RASSF8: variants seen among roughly 807,000 people sequenced by gnomAD.
The protein encoded by RASSF8 is ras association domain-containing protein 8.
RASSF8 carries 22 observed loss-of-function variants against 48.5 expected under a neutral mutation model. The observed-to-expected ratio is 0.45, with a 90% CI of 0.32 to 0.65. The LOEUF is 0.65. Ranked by LOEUF, RASSF8 falls within the 30% of genes least tolerant of loss-of-function variation. The pLI, the probability that RASSF8 is intolerant of heterozygous loss-of-function variation, is 0.03. For missense variants in RASSF8, 418 were observed against 489.2 expected (o/e 0.85, Z 1.37); for synonymous variants, 127 against 171.5 (o/e 0.74, Z 2.03).
intron 2 of RASSF8, among the ~76,000 whole-genome samples, chr12:26,008,977 A>G (rs1159998930): frequency 6.6e-6 from 1 of 151,918 alleles, no homozygotes; most frequent in Non-Finnish European, 1.5e-5. Context: ...CTGAATTACA[A>G]CCCAGATCTT....
chr12:26,056,896 C>T (rs963687277), intron 3 of RASSF8, among the ~76,000 whole-genome samples: 1 of 151,856 alleles, frequency 6.6e-6, no homozygotes, highest in African/African-American at 2.4e-5. Context: ...CTATTAAGAG[C>T]TTCACTTAAT....
intron 1 of RASSF8, among the ~76,000 whole-genome samples, chr12:25,981,541 A>C (rs913746301): frequency 6.6e-6 from 1 of 152,190 alleles, no homozygotes; most frequent in Non-Finnish European, 1.5e-5. Flanking sequence ...TCTGCCATAC[A>C]GGGTTATTCT....
At position 26,064,764 on chromosome 12, in the gene RASSF8, G is replaced by A. The variant is rs974545337; in HGVS notation, c.370G>A (p.Glu124Lys). Residue 124 changes from glutamate to lysine, a missense_variant, in exon 4 of 6, where the codon GAA (glutamate) becomes AAA (lysine). Glu to Lys is a moderately conservative substitution (Grantham distance 56). Coordinates refer to ENST00000689635, the MANE Select transcript of RASSF8 (RefSeq NM_001394098.1). ...GATTGACAAATCAATCAAAAGGAGG[G>A]AACCGAAAAGGAAATCACTGACATT... is the stretch of plus-strand genomic sequence containing the variant. ...PQIDKSIKRR[E>K]PKRKSLTFTG... 1.2e-6 allele frequency: 2 copies of A among 1,614,014 alleles called. No individual in the cohort carries two copies. The highest frequency in any genetic ancestry group is 1.7e-6 in the Non-Finnish European group (2 of 1,180,044).
intron 2 of RASSF8, among the ~76,000 whole-genome samples, chr12:26,013,107 A>C (rs1245163630): frequency 6.6e-6 from 1 of 152,202 alleles, no homozygotes; most frequent in African/African-American, 2.4e-5. Flanking sequence ...TCATGTAATC[A>C]GCAGCATGTT....
At chr12:26,019,022 T>G (rs1942721439) in intron 2 of RASSF8, among the ~76,000 whole-genome samples, 1 of 152,084 alleles carries the variant, frequency 6.6e-6, no homozygotes, top group Non-Finnish European at 1.5e-5. Context: ...AAACAGACAT[T>G]TAGAGGAGGT....
chr12:25,974,169 T>C (rs923759221), intron 1 of RASSF8, among the ~76,000 whole-genome samples: 2 of 152,002 alleles, frequency 1.3e-5, no homozygotes, highest in African/African-American at 4.8e-5. Context: ...GAGTGTAATT[T>C]TTTTCCCCTA....
At chr12:25,994,386 A>C (rs771357083) in intron 1 of RASSF8, among the ~76,000 whole-genome samples, 1 of 152,174 alleles carries the variant, frequency 6.6e-6, no homozygotes, top group Non-Finnish European at 1.5e-5. Flanking sequence ...TGTGGCAGAC[A>C]TATGAATTGC....
downstream of RASSF8, among the ~76,000 whole-genome samples, chr12:26,076,457 A>G (rs1944073950): frequency 6.6e-6 from 1 of 151,718 alleles, no homozygotes. Context: ...GATGTTCCCC[A>G]CCCTGTGTCC....
intron 2 of RASSF8, among the ~76,000 whole-genome samples, chr12:26,007,207 C>T (rs1942412604): frequency 6.6e-6 from 1 of 152,102 alleles, no homozygotes. Context: ...GAAGAATCCG[C>T]CCCCATGACC....
At chr12:26,010,218 C>T (rs1407771023) in intron 2 of RASSF8, among the ~76,000 whole-genome samples, 1 of 152,122 alleles carries the variant, frequency 6.6e-6, no homozygotes, top group East Asian at 1.9e-4. Context: ...CAGGCACCAG[C>T]AAAGGGTTTG....
At chr12:25,984,123 A>G (rs1006963851) in intron 1 of RASSF8, among the ~76,000 whole-genome samples, 1 of 151,396 alleles carries the variant, frequency 6.6e-6, no homozygotes, top group African/African-American at 2.4e-5. Context: ...GTGCAGTCGC[A>G]TGATTATAGC....
At position 26,070,739 on chromosome 12, in the gene RASSF8, G is replaced by T. The variant is rs562801127; in HGVS notation, c.*1921G>T. On this transcript the variant is annotated 3_prime_UTR_variant, in exon 6 of 6. Coordinates refer to ENST00000689635, the MANE Select transcript of RASSF8 (RefSeq NM_001394098.1). Reference sequence around the variant, plus strand: ...TTTTGTTGTTGTTCAGAGAAATCAAGATCTTATTCACAAAGAAAAACATTT... The same window carrying T: ...TTTTGTTGTTGTTCAGAGAAATCAATATCTTATTCACAAAGAAAAACATTT... The T allele has an allele frequency of 2.7e-5, 23 of 850,628 alleles. No individual in the cohort carries two copies. In the Admixed American group the frequency reaches 7.0e-4, roughly 26 times the overall value. The allele number at this position is 850,628 out of a possible 1,614,324, so 52.7% of individuals were successfully genotyped here. A position where few individuals can be genotyped will look rare whatever the true frequency, so the allele number is the denominator to read the frequency against.
chr12:25,989,877 G>A (rs1016919481), intron 1 of RASSF8, among the ~76,000 whole-genome samples: 1 of 152,126 alleles, frequency 6.6e-6, no homozygotes, highest in African/African-American at 2.4e-5. Flanking sequence ...TGGGAGTCTG[G>A]CAGAAGTTTT....
At chr12:26,035,684 A>G (rs569296468) in intron 2 of RASSF8, among the ~76,000 whole-genome samples, 1 of 144,410 alleles carries the variant, frequency 6.9e-6, no homozygotes, top group East Asian at 2.0e-4. Context: ...CTTACAATAA[A>G]CACTTGTTTT....
At chr12:26,077,200 A>G (rs1944080492), downstream of RASSF8, among the ~76,000 whole-genome samples, 1 of 152,206 alleles carries the variant, frequency 6.6e-6, no homozygotes, top group African/African-American at 2.4e-5. Context: ...ATTTTCTCCC[A>G]TTCTGAAGGT....
In RASSF8 at chr12:26,069,650, A is replaced by T; in HGVS notation, c.*832A>T. ...GTTTCTGCCCTGTCTTATCATTTAC[A>T]CTCATGGATCTTCAGAATTAATCTA... On this transcript the variant is annotated 3_prime_UTR_variant, in exon 6 of 6. Coordinates refer to ENST00000689635, the MANE Select transcript of RASSF8 (RefSeq NM_001394098.1). 1.0e-6 allele frequency: 1 copy of T among 985,406 alleles called. No individual in the cohort carries two copies. The highest frequency in any genetic ancestry group is 1.2e-6 in the Non-Finnish European group (1 of 829,924). 61.0% of individuals were successfully genotyped at this position (985,406 alleles called of 1,614,324 possible).
At chr12:25,959,718 A>G (rs928114130) in intron 1 of RASSF8, 1 of 151,022 alleles carries the variant, frequency 6.6e-6, no homozygotes, top group Non-Finnish European at 1.5e-5. Context: ...GAGAGGGTAA[A>G]TCGCACAAAG....
At chr12:25,987,521 G>T (rs1303792468) in intron 1 of RASSF8, among the ~76,000 whole-genome samples, 1 of 152,144 alleles carries the variant, frequency 6.6e-6, no homozygotes, top group Admixed American at 6.5e-5. Context: ...CTGTACAAGT[G>T]CCCGGTTTAA....
chr12:26,073,758 C>CT (rs1171109155), downstream of RASSF8, among the ~76,000 whole-genome samples: 8 of 132,146 alleles, frequency 6.1e-5, no homozygotes, highest in East Asian at 2.3e-4. Flanking sequence ...TACACACACA[C>CT]ACACACACAC....
Sources: allele counts gnomAD v4.1 joint callset (sites outside exome capture counted in the v4.1 genomes callset), GRCh38; gene constraint gnomAD v4.1.1; transcripts MANE v1.5; gene names NCBI Gene and HGNC (gene_info 2026-07-23, HGNC 2026-07-21).